TF: variants seen among roughly 807,000 people sequenced by gnomAD.
TF encodes the protein serotransferrin.
A neutral mutation model predicts 82.4 loss-of-function variants in TF; 55 were observed. The ratio of observed to expected loss-of-function variants is 0.67; its 90% CI spans 0.54 to 0.84. The LOEUF is 0.84. Ranked by LOEUF, TF falls within the 40% of genes least tolerant of loss-of-function variation. The pLI, the probability that TF is intolerant of heterozygous loss-of-function variation, is 0.00. For synonymous variants in TF, 332 were observed against 332.6 expected, an observed-to-expected ratio of 1.00 and a Z score of 0.02; for missense variants, 737 against 868.4, an observed-to-expected ratio of 0.85 and a Z score of 1.90.
At chr3:133,685,804 C>T in the TF span, among the ~76,000 whole-genome samples, 1 of 152,122 alleles carries the variant, frequency 6.6e-6, no homozygotes, top group South Asian at 2.1e-4. Context: ...AATGCTATCC[C>T]CATCAAGCTA....
At chr3:133,750,953 G>A (rs1010990527) in intron 2 of TF, among the ~76,000 whole-genome samples, 14 of 152,104 alleles carry the variant, frequency 9.2e-5, no homozygotes, top group African/African-American at 2.7e-4. Context: ...ACAAAACCAC[G>A]AAGTGTGTTT....
chr3:133,722,784 T>C, the TF span, among the ~76,000 whole-genome samples: 1 of 152,248 alleles, frequency 6.6e-6, no homozygotes, highest in South Asian at 2.1e-4. Flanking sequence ...TAAATCTTCA[T>C]ACTAGAAGAC....
the TF span, among the ~76,000 whole-genome samples, chr3:133,686,745 TTGG>T: frequency 6.6e-6 from 1 of 152,234 alleles, no homozygotes; most frequent in East Asian, 1.9e-4. Flanking sequence ...TTTTACACTG[TTGG>T]TGGGAGTGTC....
chr3:133,694,888 T>TTATTTATTTATTA, the TF span, among the ~76,000 whole-genome samples: 49 of 145,366 alleles, frequency 3.4e-4, no homozygotes, highest in Middle Eastern at 7.2e-3. Context: ...ATTTATTTAT[T>TTATTTATTTATTA]ATTATTATTA....
the TF span, among the ~76,000 whole-genome samples, chr3:133,676,165 A>G: frequency 2.0e-5 from 3 of 152,188 alleles, no homozygotes; most frequent in African/African-American, 7.2e-5. Context: ...AACTATCACC[A>G]TAGAATGAGA....
chr3:133,736,597 A>T, the TF span, among the ~76,000 whole-genome samples: 2 of 137,378 alleles, frequency 1.5e-5, no homozygotes. Context: ...CAAAATAAAG[A>T]GATAGAAGAA....
chr3:133,744,172 T>C (rs182632823), upstream of TF, among the ~76,000 whole-genome samples: 3 of 152,270 alleles, frequency 2.0e-5, no homozygotes, highest in Admixed American at 1.3e-4. Flanking sequence ...GCCTGGCCAG[T>C]AGGTAGTTGC....
the TF span, among the ~76,000 whole-genome samples, chr3:133,677,028 C>G: frequency 6.6e-6 from 1 of 152,156 alleles, no homozygotes; most frequent in Non-Finnish European, 1.5e-5. Context: ...TGCAAAGTAG[C>G]TTGAATAAAA....
chr3:133,702,551 A>T, the TF span, among the ~76,000 whole-genome samples: 1 of 151,850 alleles, frequency 6.6e-6, no homozygotes, highest in East Asian at 1.9e-4. Flanking sequence ...TCTCTAAAAA[A>T]ATCAGAAAGT....
rs1934362524 is a variant in TF, at chr3:133,775,456, A to G, written c.1711A>G (p.Lys571Glu). The change falls in exon 15 of 17, where the codon AAG (lysine) becomes GAG (glutamate). Residue 571 changes from lysine to glutamate, a missense_variant. Physicochemically the swap from Lys to Glu is moderately conservative, Grantham distance 56 (BLOSUM62 1). Coordinates refer to ENST00000402696, the MANE Select transcript of TF (RefSeq NM_001063.4). Reference protein sequence around the residue: ...TGGKNPDPWAKNLNEKDYELL... With the variant: ...TGGKNPDPWAENLNEKDYELL... ...AGGAAAAAACCCTGATCCATGGGCT[A>G]AGAATCTGAATGAAAAAGACTATGA... 1.2e-6 allele frequency: 2 copies of G among 1,614,106 alleles called. No homozygotes were observed. Among genetic ancestry groups the G allele is most frequent in the African/African-American group, 1.3e-5 (1 of 74,948 alleles).
intron 8 of TF, among the ~76,000 whole-genome samples, chr3:133,758,562 T>C (rs185492672): frequency 6.1e-4 from 93 of 152,310 alleles, no homozygotes; most frequent in African/African-American, 2.1e-3. Flanking sequence ...AAGTAAGAGA[T>C]ATGTTTAAAA....
Position 133,766,323 on chromosome 3 carries a change from C to G in TF, c.1376C>G (p.Thr459Ser). The change falls in exon 12 of 17, where the codon ACC becomes AGC. Residue 459 changes from threonine (T) to serine (S), a missense_variant. Physicochemically the swap from Thr to Ser is moderately conservative, Grantham distance 58. Coordinates refer to ENST00000402696, the MANE Select transcript of TF (RefSeq NM_001063.4). ...GTGAAGAAATCAGCTTCTGACCTCA[C>G]CTGGGACAATCTGAAAGGCAAGAAG... ...AVVKKSASDL[T>S]WDNLKGKKSC... 1 of 1,614,196 alleles carries G rather than the reference C, an allele frequency of 6.2e-7. No individual in the cohort carries two copies. Among genetic ancestry groups the G allele is most frequent in the African/African-American group, 1.3e-5 (1 of 75,054 alleles).
chr3:133,738,578 C>T, the TF span, among the ~76,000 whole-genome samples: 1 of 127,118 alleles, frequency 7.9e-6, no homozygotes, highest in Non-Finnish European at 1.7e-5. Flanking sequence ...CGTCTCAGTC[C>T]AAAATCTCCT....
rs1934693809 is a variant in TF at position 133,786,606 on chromosome 3, G to A, written c.*7986G>A. 6.6e-6 allele frequency: 1 copy of A among 152,254 alleles called. No individual in the cohort carries two copies. Among genetic ancestry groups the A allele is most frequent in the African/African-American group, 2.4e-5 (1 of 41,472 alleles). 9.4% of individuals were successfully genotyped at this position (152,254 alleles called of 1,614,324 possible). A position where few individuals can be genotyped will look rare whatever the true frequency, so the allele number is the denominator to read the frequency against. On this transcript the variant is annotated 3_prime_UTR_variant, in exon 17 of 17. Transcript: ENST00000402696. ...TTTCTAGATGTTAAAGAGGTTGCTA[G>A]TGTATGACAAAAGTAGTTAGTAAAC...
intron 2 of TF, among the ~76,000 whole-genome samples, chr3:133,752,393 C>G (rs1056605399): frequency 6.6e-6 from 1 of 152,142 alleles, no homozygotes; most frequent in African/African-American, 2.4e-5. Flanking sequence ...GCCACTATAC[C>G]TGGCCTGCTT....
the TF span, among the ~76,000 whole-genome samples, chr3:133,670,456 C>G: frequency 1.3e-5 from 2 of 152,172 alleles, no homozygotes; most frequent in Non-Finnish European, 2.9e-5. Flanking sequence ...CTTTGGATGT[C>G]CTATCTTTGC....
chr3:133,755,332 G>A (rs747108262), intron 4 of TF, 31 bp from the exon 5 acceptor site: 1 of 1,614,104 alleles, frequency 6.2e-7, no homozygotes, highest in Admixed American at 1.7e-5. Context: ...CCTCACTCAT[G>A]CTCTGTTGTC....
intron 14 of TF, among the ~76,000 whole-genome samples, chr3:133,771,625 T>G (rs1402258304): frequency 6.6e-6 from 1 of 150,888 alleles, no homozygotes; most frequent in Non-Finnish European, 1.5e-5. Flanking sequence ...TAGTCCCAGC[T>G]ACTCGGGAGG....
the TF span, among the ~76,000 whole-genome samples, chr3:133,738,936 C>T: frequency 6.6e-6 from 1 of 151,834 alleles, no homozygotes; most frequent in South Asian, 2.1e-4. Flanking sequence ...TTACCATTAA[C>T]TTTCTTCACA....
Sources: gnomAD v4.1 joint callset for allele counts (sites outside exome capture counted in the v4.1 genomes callset) on GRCh38, gnomAD v4.1.1 for gene constraint, MANE v1.5 for transcripts, NCBI Gene and HGNC (gene_info 2026-07-23, HGNC 2026-07-21) for gene names.